The following SMARCA1 variants were observed in gnomAD, a reference collection of about 807,000 sequenced individuals.
SMARCA1 encodes SWI/SNF-related matrix-associated actin-dependent regulator of chromatin subfamily A member 1.
SMARCA1 carries 17 observed loss-of-function variants against 93.6 expected under a neutral mutation model. The observed-to-expected ratio is 0.18, with a 90% CI of 0.12 to 0.27. The LOEUF is 0.27. Among genes scored for constraint, SMARCA1 ranks in the 10% least tolerant of loss-of-function variants. The pLI, the probability that SMARCA1 is intolerant of heterozygous loss-of-function variation, is 1.00. For synonymous variants in SMARCA1, 271 were observed against 271.4 expected (o/e 1.00, Z 0.01); for missense variants, 630 against 819.0 (o/e 0.77, Z 2.82).
intron 19 of SMARCA1, among the ~76,000 whole-genome samples, chrX:129,479,653 A>ATATTTTATTT (rs3069688): frequency 0.045 from 4,189 of 94,011 alleles, 268 homozygotes; most frequent in African/African-American, 0.12. Context: ...AATAGTGTTA[A>ATATTTTATTT]TATTTTATTT....
At chrX:129,483,560 G>C (rs909465745) in intron 17 of SMARCA1, among the ~76,000 whole-genome samples, 8 of 111,646 alleles carry the variant, frequency 7.2e-5, no homozygotes, top group Non-Finnish European at 1.5e-4. Context: ...TTCTCAATTG[G>C]AGTAAAAATA....
At chrX:129,517,423 T>C (rs1006317988) in intron 2 of SMARCA1, among the ~76,000 whole-genome samples, 4 of 110,954 alleles carry the variant, frequency 3.6e-5, no homozygotes, top group African/African-American at 1.3e-4. Flanking sequence ...GATGCATAAT[T>C]AATAACCCAG....
At chrX:129,452,620 G>T (rs543507605) in intron 23 of SMARCA1, among the ~76,000 whole-genome samples, 1 of 112,137 alleles carries the variant, frequency 8.9e-6, no homozygotes, top group Non-Finnish European at 1.9e-5. Context: ...TAATCAGCAC[G>T]TCCCAACTCT....
chrX:129,481,666 G>A (rs974835330), intron 17 of SMARCA1, among the ~76,000 whole-genome samples: 23 of 111,341 alleles, frequency 2.1e-4, no homozygotes, highest in African/African-American at 5.9e-4. Flanking sequence ...GGCAATCATT[G>A]AAAAGTCAGG....
In SMARCA1 at chrX:129,446,823, T is replaced by TA. The variant is rs1932037557; in HGVS notation, c.*338dup. On this transcript the variant is annotated 3_prime_UTR_variant, in exon 25 of 25. Coordinates refer to ENST00000371121, the MANE Select transcript of SMARCA1 (RefSeq NM_001282874.2). ...ATAAATTTAAAGTATGAAACAACAA[T>TA]AATACAACTATAGAATCTAGGTTCT... 6.8e-6 allele frequency: 1 copy of TA among 146,077 alleles called. No homozygotes were observed. Among genetic ancestry groups the TA allele is most frequent in the African/African-American group, 3.2e-5 (1 of 31,553 alleles). 12.0% of individuals were successfully genotyped at this position (146,077 alleles called of 1,213,427 possible). A position where few individuals can be genotyped will look rare whatever the true frequency, so the allele number is the denominator to read the frequency against.
chrX:129,487,118 C>A lies in SMARCA1; in HGVS notation c.2117G>T (p.Arg706Leu). 1 of 1,171,567 alleles carries A rather than the reference C, an allele frequency of 8.5e-7. No individual in the cohort carries two copies. ...AGAAGACTCTCCCATTTTTTGCAGGCGTTCATTCATCTCTGCAGTCTAAAG... is the reference window on the plus strand; with the variant it reads ...AGAAGACTCTCCCATTTTTTGCAGGAGTTCATTCATCTCTGCAGTCTAAAG... ...GEKKTAEMNE[R>L]LQKMGESSLR... Residue 706 changes from arginine (R) to leucine (L), a missense_variant, in exon 17 of 25, where the codon CGC becomes CTC. Arg to Leu is a moderately radical substitution (Grantham distance 102). Transcript: ENST00000371121.
At chrX:129,508,166 A>T (rs1043091201) in intron 6 of SMARCA1, 70 bp from the exon 7 acceptor site, 1 of 637,517 alleles carries the variant, frequency 1.6e-6, no homozygotes, top group Non-Finnish European at 2.2e-6. Flanking sequence ...TGATCACAGA[A>T]TTAAAATATC....
chrX:129,484,270 T>C (rs1482093743), intron 17 of SMARCA1, among the ~76,000 whole-genome samples: 1 of 111,969 alleles, frequency 8.9e-6, no homozygotes, highest in Admixed American at 9.5e-5. Context: ...GCAGGAATAA[T>C]TGTAAAATTA....
At chrX:129,451,102 T>C (rs1366615884) in intron 23 of SMARCA1, among the ~76,000 whole-genome samples, 1 of 112,160 alleles carries the variant, frequency 8.9e-6, no homozygotes, top group Non-Finnish European at 1.9e-5. Context: ...AAGTTTCTTG[T>C]GTATCTTCAA....
At chrX:129,473,394 C>T (rs890595884) in intron 19 of SMARCA1, among the ~76,000 whole-genome samples, 2 of 111,976 alleles carry the variant, frequency 1.8e-5, no homozygotes, top group Non-Finnish European at 3.8e-5. Flanking sequence ...TTAAAAACAA[C>T]TTCTCTTCAG....
intron 9 of SMARCA1, among the ~76,000 whole-genome samples, chrX:129,501,592 G>A (rs1436679091): frequency 2.8e-5 from 3 of 107,734 alleles, no homozygotes; most frequent in Non-Finnish European, 5.8e-5. Flanking sequence ...CACTGCGCCC[G>A]GCCCGCCAAA....
intron 12 of SMARCA1, among the ~76,000 whole-genome samples, chrX:129,494,968 ACAAT>A (rs746374382): frequency 8.9e-6 from 1 of 112,706 alleles, no homozygotes; most frequent in African/African-American, 3.2e-5. Context: ...TGACAAAAAA[ACAAT>A]CAATTCCTGG....
Position 129,523,232 on chromosome X carries a change from T to TGGCTTCGGTGGCCGCGGC in SMARCA1, c.121_138dup (p.Ala41_Ala46dup), listed in dbSNP as rs1935482311. 3 of 1,209,079 alleles carry TGGCTTCGGTGGCCGCGGC rather than the reference T, an allele frequency of 2.5e-6. No homozygotes were observed. The highest frequency in any genetic ancestry group is 2.2e-6 in the Non-Finnish European group (2 of 894,726). On this transcript the variant is annotated inframe_insertion, in exon 1 of 25. Transcript: ENST00000371121. ...TTCTCGCCCTTCTCCGTGGCCGCGG[T>TGGCTTCGGTGGCCGCGGC]GGCTTCGGTGGCCGCGGCGGCCGCT...
chrX:129,466,500 C>A (rs1213276530), intron 21 of SMARCA1, among the ~76,000 whole-genome samples: 1 of 110,663 alleles, frequency 9.0e-6, no homozygotes, highest in Non-Finnish European at 1.9e-5. Context: ...ACTAAAAATA[C>A]AAAAATTAGC....
At chrX:129,471,053 A>C (rs1933096335) in intron 20 of SMARCA1, 151 bp downstream of exon 20, 2 of 368,314 alleles carry the variant, frequency 5.4e-6, no homozygotes, top group Non-Finnish European at 9.1e-6. Context: ...AAAAATAAGG[A>C]GATTTGGTCT....
intron 23 of SMARCA1, among the ~76,000 whole-genome samples, chrX:129,461,140 T>C (rs1343428185): frequency 9.0e-6 from 1 of 111,587 alleles, no homozygotes; most frequent in Non-Finnish European, 1.9e-5. Flanking sequence ...AATGACTAAT[T>C]ACTAATACTC....
intron 6 of SMARCA1, among the ~76,000 whole-genome samples, chrX:129,509,500 C>A (rs1048531274): frequency 9.0e-6 from 1 of 111,669 alleles, no homozygotes; most frequent in Non-Finnish European, 1.9e-5. Context: ...CCCATTCAGT[C>A]GTGCTAACAC....
intron 20 of SMARCA1, 33 bp downstream of exon 20, chrX:129,471,171 C>A: frequency 8.9e-7 from 1 of 1,126,996 alleles, no homozygotes; most frequent in Admixed American, 2.6e-5. Context: ...TATTGATTGA[C>A]TGTAAGTATT....
At chrX:129,509,164 T>C (rs1934934794) in intron 6 of SMARCA1, among the ~76,000 whole-genome samples, 2 of 106,385 alleles carry the variant, frequency 1.9e-5, no homozygotes, top group African/African-American at 3.5e-5. Flanking sequence ...ACTCAAGCCT[T>C]TGCGACAGAG....
Sources: allele counts gnomAD v4.1 joint callset (sites outside exome capture counted in the v4.1 genomes callset), GRCh38; gene constraint gnomAD v4.1.1; transcripts MANE v1.5; gene names NCBI Gene and HGNC (gene_info 2026-07-23, HGNC 2026-07-21).